CNTRL: variants seen among roughly 807,000 people sequenced by gnomAD.
CNTRL encodes the protein centriolin.
A neutral mutation model predicts 303.7 loss-of-function variants in CNTRL; 233 were observed. The observed-to-expected ratio is 0.77, with a 90% CI of 0.69 to 0.86. The LOEUF is 0.86. CNTRL is among the 40% of genes least tolerant of loss of function. The pLI is 0.00. For missense variants in CNTRL, 2,524 were observed against 2,650.6 expected, an observed-to-expected ratio of 0.95 and a Z score of 1.05; for synonymous variants, 900 against 922.2, an observed-to-expected ratio of 0.98 and a Z score of 0.44.
intron 11 of CNTRL, among the ~76,000 whole-genome samples, chr9:121,116,479 C>T (rs2049982442): frequency 6.6e-6 from 1 of 152,040 alleles, no homozygotes; most frequent in African/African-American, 2.4e-5. Flanking sequence ...TGCCATCACT[C>T]CCGGCTAATT....
chr9:121,172,389 C>T (rs1490704408), intron 40 of CNTRL, among the ~76,000 whole-genome samples: 3 of 151,996 alleles, frequency 2.0e-5, no homozygotes, highest in East Asian at 3.9e-4. Context: ...TCCTGTAATC[C>T]CAGCACTTTA....
chr9:121,113,820 T>C, intron 10 of CNTRL, 96 bp downstream of exon 10: 2 of 702,954 alleles, frequency 2.8e-6, no homozygotes, highest in Non-Finnish European at 4.2e-6. Flanking sequence ...TTGAACATGT[T>C]GATGGTATTG....
intron 20 of CNTRL, among the ~76,000 whole-genome samples, chr9:121,144,589 T>C (rs1351736096): frequency 6.6e-6 from 1 of 152,220 alleles, no homozygotes; most frequent in Non-Finnish European, 1.5e-5. Context: ...GACATAATCA[T>C]GGAAGACGGT....
At position 121,177,374 on chromosome 9, in the gene CNTRL, A is replaced by G. The variant is rs889282423; in HGVS notation, c.*188A>G. The G allele has an allele frequency of 1.0e-5, 5 of 482,412 alleles. No homozygotes were observed. Among genetic ancestry groups the G allele is most frequent in the Admixed American group, 8.5e-5 (2 of 23,658 alleles). The allele number at this position is 482,412 out of a possible 1,614,324, so 29.9% of individuals were successfully genotyped here. Reference sequence around the variant, plus strand: ...TATAAATCACTTGTACATAGTACATATGGGAATAGTTGCATATGGGAATTT... The same window carrying G: ...TATAAATCACTTGTACATAGTACATGTGGGAATAGTTGCATATGGGAATTT... On this transcript the variant is annotated 3_prime_UTR_variant, in exon 44 of 44. Coordinates refer to ENST00000373855, the MANE Select transcript of CNTRL (RefSeq NM_007018.6).
Position 121,152,478 on chromosome 9 carries a change from C to T in CNTRL, c.3964-7C>T. On this transcript the variant is annotated splice_polypyrimidine_tract_variant and splice_region_variant and intron_variant, in intron 25 of 43. Transcript: ENST00000373855. ...CAGCACTGCATTTTTTTCCCCATCT[C>T]ATTCAGGAGAATGAAGTTTCTAGAT... The T allele has an allele frequency of 1.9e-6, 3 of 1,610,020 alleles. No individual in the cohort carries two copies. Among genetic ancestry groups the T allele is most frequent in the Non-Finnish European group, 1.7e-6 (2 of 1,176,916 alleles).
Position 121,148,686 on chromosome 9 carries a change from T to G in CNTRL, c.3474T>G (p.Ser1158Arg). The change falls in exon 24 of 44, where the codon AGT becomes AGG. Residue 1158 changes from serine to arginine, a missense_variant. By Grantham distance (110) the Ser-to-Arg change is moderately radical. Coordinates refer to ENST00000373855, the MANE Select transcript of CNTRL (RefSeq NM_007018.6). ...ATTTGTTTTAGGTTTCCAGCCATAG[T>G]TCCCAGGCCACCAAGGACTCTGGTG... ...PPPSSKVSSH[S>R]SQATKDSGVG... 6.2e-7 allele frequency: 1 copy of G among 1,613,102 alleles called. No individual in the cohort carries two copies. Among genetic ancestry groups the G allele is most frequent in the African/African-American group, 1.3e-5 (1 of 75,028 alleles).
intron 5 of CNTRL, 111 bp from the exon 6 acceptor site, chr9:121,096,311 A>G (rs1009954967): frequency 4.6e-5 from 32 of 690,246 alleles, no homozygotes; most frequent in African/African-American, 1.5e-4. Context: ...TTGATAAATT[A>G]TCATTATGAA....
intron 20 of CNTRL, 105 bp from the exon 21 acceptor site, chr9:121,144,738 C>G: frequency 1.1e-6 from 1 of 910,092 alleles, no homozygotes; most frequent in South Asian, 1.4e-5. Flanking sequence ...CATGGACAGC[C>G]TGGTAGGCAA....
chr9:121,142,168 A>G lies in CNTRL; in HGVS notation c.2769A>G (p.Leu923=). The G allele has an allele frequency of 1.2e-6, 2 of 1,612,468 alleles. No individual in the cohort carries two copies. The highest frequency in any genetic ancestry group is 1.7e-5 in the Admixed American group (1 of 59,810). Residue 923 remains leucine, a synonymous_variant, in exon 19 of 44, where the codon CTA becomes CTG. Transcript: ENST00000373855. ...AAATTCACTATTTGCAAGAAAATCT[A>G]AAAAGTATGGAGGAAATCCAAGGCC... ...ENEIHYLQEN[L]KSMEEIQGLT...
At chr9:121,149,788 A>G (rs769373813) in intron 24 of CNTRL, among the ~76,000 whole-genome samples, 3 of 152,292 alleles carry the variant, frequency 2.0e-5, no homozygotes, top group Non-Finnish European at 4.4e-5. Context: ...GTTTTAGGGC[A>G]GATAAGTTAG....
intron 19 of CNTRL, 144 bp from the exon 20 acceptor site, chr9:121,143,759 C>A (rs2051664844): frequency 1.9e-6 from 1 of 527,336 alleles, no homozygotes; most frequent in Admixed American, 3.4e-5. Flanking sequence ...ATTATTTATT[C>A]ATTGGATATA....
intron 18 of CNTRL, 111 bp from the exon 19 acceptor site, chr9:121,141,980 A>T: frequency 1.2e-6 from 1 of 862,196 alleles, no homozygotes; most frequent in Non-Finnish European, 1.8e-6. Context: ...CATTAGTAAA[A>T]AATTAAGTTA....
chr9:121,090,289 G>T lies in CNTRL; in HGVS notation c.232G>T (p.Ala78Ser). 1 of 1,602,230 alleles carries T rather than the reference G, an allele frequency of 6.2e-7. No individual in the cohort carries two copies. Among genetic ancestry groups the T allele is most frequent in the Non-Finnish European group, 8.5e-7 (1 of 1,175,196 alleles). ...TATAATTTCAGGAGCTGATTCACAT[G>T]CAGGAGTTAGATATATTACAGAGGC... ...YQDHKGADSHAGVRYITEALI... is the reference protein window; with the variant it reads ...YQDHKGADSHSGVRYITEALI... Residue 78 changes from alanine to serine, a missense_variant, in exon 4 of 44, where the codon GCA (alanine) becomes TCA (serine). By Grantham distance (99) the Ala-to-Ser change is moderately conservative. Coordinates refer to ENST00000373855, the MANE Select transcript of CNTRL (RefSeq NM_007018.6).
Position 121,175,124 on chromosome 9 carries a change from G to A in CNTRL, c.6854G>A (p.Gly2285Glu), listed in dbSNP as rs375222500. ...HSLRRQVDAL[G>E]ELVTSTSADS... ...TTGAGGAGACAAGTAGATGCTTTAG[G>A]GGAATTGGTCACCAGCACCTCTGCA... The change falls in exon 43 of 44, where the codon GGG (glycine) becomes GAG (glutamate). Residue 2285 changes from glycine to glutamate, a missense_variant. Physicochemically the swap from Gly to Glu is moderately conservative, Grantham distance 98. Coordinates refer to ENST00000373855, the MANE Select transcript of CNTRL (RefSeq NM_007018.6). The A allele has an allele frequency of 5.0e-6, 8 of 1,613,872 alleles. No individual in the cohort carries two copies. Among genetic ancestry groups the A allele is most frequent in the South Asian group, 1.1e-5 (1 of 91,076 alleles).
rs761703038 is a variant in CNTRL, at chr9:121,150,415, C to G, written c.3895C>G (p.Pro1299Ala). The G allele has an allele frequency of 5.0e-6, 8 of 1,614,062 alleles. No homozygotes were observed. The East Asian group carries it at 1.3e-4, about 27-fold the overall frequency. Residue 1299 changes from proline to alanine, a missense_variant, in exon 25 of 44, where the codon CCC becomes GCC. Pro to Ala is a conservative substitution (Grantham distance 27). Transcript: ENST00000373855. Reference protein sequence around the residue: ...GAPMVYGPPPPNFSIPFIPMG... With the variant: ...GAPMVYGPPPANFSIPFIPMG... ...CCCCATGGTGTATGGGCCTCCACCC[C>G]CCAACTTCTCCATCCCCTTCATCCC...
intron 39 of CNTRL, 46 bp downstream of exon 39, chr9:121,169,862 A>T: frequency 6.5e-7 from 1 of 1,539,932 alleles, no homozygotes; most frequent in Non-Finnish European, 8.9e-7. Context: ...TGATAAATTT[A>T]AAATTTTAAA....
intron 43 of CNTRL, among the ~76,000 whole-genome samples, chr9:121,175,824 A>G (rs1034491322): frequency 6.6e-6 from 1 of 152,142 alleles, no homozygotes; most frequent in Non-Finnish European, 1.5e-5. Flanking sequence ...GGATTTATTT[A>G]TTTCCTACTC....
At chr9:121,096,749 G>A (rs955460310) in intron 6 of CNTRL, among the ~76,000 whole-genome samples, 186 bp downstream of exon 6, 1 of 152,018 alleles carries the variant, frequency 6.6e-6, no homozygotes, top group African/African-American at 2.4e-5. Context: ...TTTTGCATGG[G>A]TTCCTAGGTC....
chr9:121,135,010 G>A (rs2051103839), intron 14 of CNTRL, among the ~76,000 whole-genome samples: 1 of 152,158 alleles, frequency 6.6e-6, no homozygotes, highest in African/African-American at 2.4e-5. Flanking sequence ...ATTGCCAAGT[G>A]GTTTTTGGAC....
Sources: allele counts gnomAD v4.1 joint callset (sites outside exome capture counted in the v4.1 genomes callset), GRCh38; gene constraint gnomAD v4.1.1; transcripts MANE v1.5; gene names NCBI Gene and HGNC (gene_info 2026-07-23, HGNC 2026-07-21).